The following TOR1AIP1 variants were observed in gnomAD, a reference collection of about 807,000 sequenced individuals.
TOR1AIP1 encodes torsin-1A-interacting protein 1.
A neutral mutation model predicts 63.3 loss-of-function variants in TOR1AIP1; 54 were observed. The ratio of observed to expected loss-of-function variants is 0.85; its 90% CI spans 0.69 to 1.07. TOR1AIP1 has a LOEUF of 1.07. TOR1AIP1 is among the 50% of genes least tolerant of loss of function. TOR1AIP1 has a pLI of 0.00. For missense variants in TOR1AIP1, 736 were observed against 715.0 expected (o/e 1.03, Z -0.33); for synonymous variants, 294 against 273.5 (o/e 1.07, Z -0.74).
rs926473158 is a variant in TOR1AIP1, at chr1:179,913,920, CTTCT to C, written c.908-75_908-72del. 4.5e-6 allele frequency: 6 copies of C among 1,337,820 alleles called. No individual in the cohort carries two copies. The African/African-American group carries it at 8.9e-5, about 20-fold the overall frequency. 82.9% of individuals were successfully genotyped at this position (1,337,820 alleles called of 1,614,324 possible). A position where few individuals can be genotyped will look rare whatever the true frequency, so the allele number is the denominator to read the frequency against. On this transcript the variant is annotated intron_variant, in intron 8 of 9. Coordinates refer to ENST00000606911, the MANE Select transcript of TOR1AIP1 (RefSeq NM_015602.4). ...CTTTTTTTCCTGGTGGAATTTGTATCTTCTTTGTCTACTAGAAATAAATACTCAA... is the reference window on the plus strand; with the variant it reads ...CTTTTTTTCCTGGTGGAATTTGTATCTTGTCTACTAGAAATAAATACTCAA...
chr1:179,884,754 A>C lies in TOR1AIP1; in HGVS notation c.538A>C (p.Ile180Leu), dbSNP rs1191285522. The change falls in exon 2 of 10, where the codon ATA (isoleucine) becomes CTA (leucine). Residue 180 changes from isoleucine to leucine, a missense_variant. This residue lies in a region of TOR1AIP1 where 464 missense variants were observed against 371.0 expected (regional missense o/e 1.25). Coordinates refer to ENST00000606911, the MANE Select transcript of TOR1AIP1 (RefSeq NM_015602.4). The part of the protein sequence containing the change: ...QTISKKTVRS[I>L]QEAPVSEDLV... ...GATCTCAAAGAAAACTGTCAGGAGCATACAAGAGGCTCCAGGTAAGAATAG... is the reference window on the plus strand; with the variant it reads ...GATCTCAAAGAAAACTGTCAGGAGCCTACAAGAGGCTCCAGGTAAGAATAG... 1 of 1,610,280 alleles carries C rather than the reference A, an allele frequency of 6.2e-7. No individual in the cohort carries two copies.
chr1:179,899,803 C>A (rs1034867386), intron 3 of TOR1AIP1, among the ~76,000 whole-genome samples: 2 of 152,174 alleles, frequency 1.3e-5, no homozygotes, highest in Non-Finnish European at 2.9e-5. Flanking sequence ...CACCACCACT[C>A]CTGGCTGATT....
chr1:179,890,922 A>C (rs1454147752), intron 3 of TOR1AIP1, among the ~76,000 whole-genome samples: 1 of 151,918 alleles, frequency 6.6e-6, no homozygotes, highest in Non-Finnish European at 1.5e-5. Context: ...GCCCAACCCT[A>C]TCTCTAATTC....
Position 179,914,177 on chromosome 1 carries a change from T to A in TOR1AIP1, c.964+123T>A, listed in dbSNP as rs146407407. On this transcript the variant is annotated intron_variant, in intron 9 of 9. Coordinates refer to ENST00000606911, the MANE Select transcript of TOR1AIP1 (RefSeq NM_015602.4). The stretch of plus-strand genomic sequence containing the variant: ...ATTTGAAGAATCACATTTTAAGCAC[T>A]TGAGAGGAAAAAGTATATATTCTAC... 812 of 847,332 alleles carry A rather than the reference T, an allele frequency of 9.6e-4. 4 individuals are homozygous for A. The highest frequency in any genetic ancestry group is 3.6e-3 in the Middle Eastern group (13 of 3,630). The allele number at this position is 847,332 out of a possible 1,614,324, so 52.5% of individuals were successfully genotyped here.
intron 5 of TOR1AIP1, among the ~76,000 whole-genome samples, chr1:179,902,043 T>TA (rs1396141243): frequency 6.8e-6 from 1 of 147,810 alleles, no homozygotes; most frequent in Non-Finnish European, 1.5e-5. Context: ...TTTTTTTTTT[T>TA]AAGGCAGAGT....
chr1:179,907,861 CTAAG>C lies in TOR1AIP1; in HGVS notation c.838+4_838+7del, dbSNP rs1468450725. On this transcript the variant is annotated splice_donor_variant and coding_sequence_variant, in exon 7 of 10. Coordinates refer to ENST00000606911, the MANE Select transcript of TOR1AIP1 (RefSeq NM_015602.4). LOFTEE classifies it high-confidence loss of function. Reference sequence around the variant, plus strand: ...AGCTCATGATAAGCAACCTTCAGTGCTAAGTAAGTAGTTGGTTGTCTGCTCTTTT... The same window carrying C: ...AGCTCATGATAAGCAACCTTCAGTGCTAAGTAGTTGGTTGTCTGCTCTTTT... 6.4e-7 allele frequency: 1 copy of C among 1,569,512 alleles called. No individual in the cohort carries two copies. Among genetic ancestry groups the C allele is most frequent in the South Asian group, 1.2e-5 (1 of 85,200 alleles).
chr1:179,904,079 AT>A, intron 6 of TOR1AIP1, 57 bp downstream of exon 6: 1 of 1,265,782 alleles, frequency 7.9e-7, no homozygotes, highest in African/African-American at 1.5e-5. Context: ...TGATGTTCCT[AT>A]TTTTGAAGAT....
rs1292669095 is a variant in TOR1AIP1 at position 179,919,260 on chromosome 1, C to T, written c.*1021C>T. ...AGTCTGGGCAACAAAAATGAAACTC[C>T]GTCTCAAAAAAAAAAAAGTAGGTCA... On this transcript the variant is annotated 3_prime_UTR_variant, in exon 10 of 10. Coordinates refer to ENST00000606911, the MANE Select transcript of TOR1AIP1 (RefSeq NM_015602.4). 2 of 150,996 alleles carry T rather than the reference C, an allele frequency of 1.3e-5. No individual in the cohort carries two copies. The highest frequency in any genetic ancestry group is 3.0e-5 in the Non-Finnish European group (2 of 67,782). The allele number at this position is 150,996 out of a possible 1,614,324, so 9.4% of individuals were successfully genotyped here. A position where few individuals can be genotyped will look rare whatever the true frequency, so the allele number is the denominator to read the frequency against.
intron 5 of TOR1AIP1, among the ~76,000 whole-genome samples, chr1:179,903,333 C>T (rs1648524631): frequency 6.6e-6 from 1 of 151,800 alleles, no homozygotes; most frequent in African/African-American, 2.4e-5. Flanking sequence ...AAATTTAAAG[C>T]AAAAATGGAT....
chr1:179,900,439 A>C (rs905121085), intron 4 of TOR1AIP1: 1 of 247,708 alleles, frequency 4.0e-6, no homozygotes, highest in Non-Finnish European at 7.9e-6. Context: ...TGTTGCCTAA[A>C]GAGGGGTGAA....
intron 7 of TOR1AIP1, 45 bp downstream of exon 7, chr1:179,907,909 T>TTG: frequency 2.9e-6 from 3 of 1,026,582 alleles, no homozygotes; most frequent in Non-Finnish European, 4.1e-6. Flanking sequence ...ATCAATTCTT[T>TTG]TCTCTTTTTT....
intron 9 of TOR1AIP1, among the ~76,000 whole-genome samples, chr1:179,915,675 T>C (rs1218830464): frequency 6.6e-6 from 1 of 152,110 alleles, no homozygotes; most frequent in African/African-American, 2.4e-5. Flanking sequence ...GGAGAATCAC[T>C]TGAACCTGGG....
chr1:179,893,484 ACGC>A (rs1215176739), intron 3 of TOR1AIP1, among the ~76,000 whole-genome samples: 1 of 151,936 alleles, frequency 6.6e-6, no homozygotes, highest in Non-Finnish European at 1.5e-5. Flanking sequence ...TCTGTCACCC[ACGC>A]TGGACTGTAG....
rs114710628 is a variant in TOR1AIP1, at chr1:179,895,515, G to A, written c.611-4611G>A. ...CCCAGTTACTTGGGAGGCTGAGTCT[G>A]GAGGATCACTTGAACCCAAGACACA... is the stretch of plus-strand genomic sequence containing the variant. On this transcript the variant is annotated intron_variant, in intron 3 of 9. Coordinates refer to ENST00000606911, the MANE Select transcript of TOR1AIP1 (RefSeq NM_015602.4). Among the ~76,000 whole-genome samples, 376 of 152,298 alleles carry A rather than the reference G, an allele frequency of 2.5e-3. 1 individual carries two copies. Among genetic ancestry groups the A allele is most frequent in the Middle Eastern group, 0.01 (3 of 294 alleles).
intron 3 of TOR1AIP1, among the ~76,000 whole-genome samples, chr1:179,899,256 ACTAT>A (rs1648374396): frequency 2.3e-5 from 1 of 42,556 alleles, no homozygotes; most frequent in Non-Finnish European, 5.1e-5. Flanking sequence ...GGTACATCTC[ACTAT>A]TTTTTTTTTT....
In TOR1AIP1 at chr1:179,918,523, A is replaced by G. The variant is rs191858741; in HGVS notation, c.*284A>G. ...TTTTGATTCTGGGCTGAGTTATTAC[A>G]GTTATGGTATGACCAGTGAGAGGGA... On this transcript the variant is annotated 3_prime_UTR_variant, in exon 10 of 10. Transcript: ENST00000606911. 1,476 of 301,562 alleles carry G rather than the reference A, an allele frequency of 4.9e-3. 9 individuals are homozygous for G. Among genetic ancestry groups the G allele is most frequent in the Middle Eastern group, 0.015 (14 of 944 alleles). 18.7% of individuals were successfully genotyped at this position (301,562 alleles called of 1,614,324 possible). A position where few individuals can be genotyped will look rare whatever the true frequency, so the allele number is the denominator to read the frequency against.
At chr1:179,906,860 C>T (rs1015357333) in intron 6 of TOR1AIP1, among the ~76,000 whole-genome samples, 10 of 151,110 alleles carry the variant, frequency 6.6e-5, no homozygotes, top group African/African-American at 2.2e-4. Context: ...GCCTCAGCCT[C>T]CCGAGTAGCT....
intron 8 of TOR1AIP1, among the ~76,000 whole-genome samples, chr1:179,909,451 C>T (rs538258953): frequency 9.9e-5 from 15 of 151,242 alleles, no homozygotes; most frequent in African/African-American, 3.4e-4. Flanking sequence ...TGCTGTGTTG[C>T]CCAGGCTGGA....
rs569343416 is a variant in TOR1AIP1 at position 179,883,329 on chromosome 1, C to T, written c.475+352C>T. Among the ~76,000 whole-genome samples the T allele has an allele frequency of 6.6e-5, 10 of 152,314 alleles. No homozygotes were observed. The East Asian group carries it at 1.7e-3, about 26-fold the overall frequency. On this transcript the variant is annotated intron_variant, in intron 1 of 9. Coordinates refer to ENST00000606911, the MANE Select transcript of TOR1AIP1 (RefSeq NM_015602.4). ...GCAGGGTCGGTTTCATTTCGGTTCC[C>T]TCTACCCTGCGGATGTTTCTACAGA...
Sources: gnomAD v4.1 joint callset for allele counts (sites outside exome capture counted in the v4.1 genomes callset) on GRCh38, gnomAD v4.1.1 for gene constraint, gnomAD v4.1.1 regional missense constraint, MANE v1.5 for transcripts, NCBI Gene and HGNC (gene_info 2026-07-23, HGNC 2026-07-21) for gene names.